RXRA: variants seen among roughly 807,000 people sequenced by gnomAD.
RXRA encodes retinoid X receptor alpha.
RXRA carries 5 observed loss-of-function variants against 44.5 expected under a neutral mutation model. The ratio of observed to expected loss-of-function variants is 0.11; its 90% CI spans 0.06 to 0.24. The LOEUF (loss-of-function observed/expected upper bound fraction) is 0.24, where lower values mean the gene tolerates loss of function less well. Ranked by LOEUF, RXRA falls within the 10% of genes least tolerant of loss-of-function variation. RXRA has a pLI of 1.00. For synonymous variants in RXRA, 291 were observed against 271.4 expected (o/e 1.07, Z -0.71); for missense variants, 412 against 646.5 (o/e 0.64, Z 3.93).
intron 1 of RXRA, among the ~76,000 whole-genome samples, chr9:134,391,190 T>A (rs1474188107): frequency 2.0e-5 from 3 of 152,044 alleles, no homozygotes; most frequent in African/African-American, 7.2e-5. Context: ...TCTGCCCTGA[T>A]CATTTCAGAG....
At position 134,342,574 on chromosome 9, in the gene RXRA, C is replaced by T. The variant is rs1469529888; in HGVS notation, c.28+15915C>T. Among the ~76,000 whole-genome samples, 2 of 152,178 alleles carry T rather than the reference C, an allele frequency of 1.3e-5. No homozygotes were observed. The highest frequency in any genetic ancestry group is 4.1e-4 in the South Asian group (2 of 4,832). Reference sequence around the variant, plus strand: ...TGGGTTGGTGCAGGCAGAGTGGTAACAGCAAGCTGTGGGCAAGGGACTGCT... The same window carrying T: ...TGGGTTGGTGCAGGCAGAGTGGTAATAGCAAGCTGTGGGCAAGGGACTGCT... On this transcript the variant is annotated intron_variant, in intron 1 of 9. Coordinates refer to ENST00000481739, the MANE Select transcript of RXRA (RefSeq NM_002957.6). The surrounding 1 kb of genome is among the most constrained non-coding windows in gnomAD (Gnocchi z 4.4).
intron 1 of RXRA, among the ~76,000 whole-genome samples, chr9:134,386,130 C>T (rs926866278): frequency 6.6e-6 from 1 of 152,248 alleles, no homozygotes; most frequent in Non-Finnish European, 1.5e-5. Flanking sequence ...GCATGAGCAC[C>T]ACTTGCTTGC....
rs959894253 is a variant in RXRA, at chr9:134,342,540, G to A, written c.28+15881G>A. Among the ~76,000 whole-genome samples the A allele has an allele frequency of 1.3e-5, 2 of 152,180 alleles. No homozygotes were observed. The highest frequency in any genetic ancestry group is 1.3e-4 in the Admixed American group (2 of 15,288). On this transcript the variant is annotated intron_variant, in intron 1 of 9. Transcript: ENST00000481739. The surrounding 1 kb of genome is among the most constrained non-coding windows in gnomAD (Gnocchi z 4.4). Reference sequence around the variant, plus strand: ...TGTGCGCCCTCTTCCTGCCATCAGCGGGGGGCAGTGGGTTGGTGCAGGCAG... The same window carrying A: ...TGTGCGCCCTCTTCCTGCCATCAGCAGGGGGCAGTGGGTTGGTGCAGGCAG...
chr9:134,403,590 A>G (rs1362509079), intron 2 of RXRA: 1 of 152,424 alleles, frequency 6.6e-6, no homozygotes, highest in South Asian at 2.1e-4. Flanking sequence ...TCTAGTGCAC[A>G]GTAGGTTACC....
chr9:134,362,278 C>G (rs1040272712), intron 1 of RXRA, among the ~76,000 whole-genome samples: 1 of 152,156 alleles, frequency 6.6e-6, no homozygotes, highest in Non-Finnish European at 1.5e-5. Flanking sequence ...AAGCCTTGAC[C>G]CTGAACCCCC....
chr9:134,395,820 TG>T (rs1463868812), intron 1 of RXRA, among the ~76,000 whole-genome samples: 1 of 152,218 alleles, frequency 6.6e-6, no homozygotes, highest in Non-Finnish European at 1.5e-5. Flanking sequence ...TGTCCTCAGA[TG>T]GGGCTGAGAT....
Position 134,349,277 on chromosome 9 carries a change from C to T in RXRA, c.28+22618C>T, listed in dbSNP as rs981057477. Among the ~76,000 whole-genome samples the T allele has an allele frequency of 6.6e-6, 1 of 152,208 alleles. No individual in the cohort carries two copies. Among genetic ancestry groups the T allele is most frequent in the East Asian group, 1.9e-4 (1 of 5,174 alleles). On this transcript the variant is annotated intron_variant, in intron 1 of 9. Transcript: ENST00000481739. The surrounding 1 kb of genome is among the most constrained non-coding windows in gnomAD (Gnocchi z 4.3). The stretch of plus-strand genomic sequence containing the variant: ...CATGCTGGGCACATGGGGAGCCCTG[C>T]TGACCCCTGTTCTGCACCTGGACAG...
In RXRA at chr9:134,423,482, T is replaced by C. The variant is rs1348181178; in HGVS notation, c.910+1677T>C. ...AAGCAGGGAATGTTCTGGAAGTTGC[T>C]TGGGTCAGGGCTGTGACCACACAGG... On this transcript the variant is annotated intron_variant, in intron 6 of 9. Coordinates refer to ENST00000481739, the MANE Select transcript of RXRA (RefSeq NM_002957.6). 5.1e-6 allele frequency: 5 copies of C among 985,334 alleles called. No homozygotes were observed. The African/African-American group carries it at 7.0e-5, about 14-fold the overall frequency. 61.0% of individuals were successfully genotyped at this position (985,334 alleles called of 1,614,324 possible).
Position 134,326,488 on chromosome 9 carries a change from C to G in RXRA, c.-144C>G, listed in dbSNP as rs1447759953. 7.0e-6 allele frequency: 1 copy of G among 142,298 alleles called. No individual in the cohort carries two copies. Among genetic ancestry groups the G allele is most frequent in the African/African-American group, 2.5e-5 (1 of 39,652 alleles). The allele number at this position is 142,298 out of a possible 1,614,324, so 8.8% of individuals were successfully genotyped here. A position where few individuals can be genotyped will look rare whatever the true frequency, so the allele number is the denominator to read the frequency against. On this transcript the variant is annotated 5_prime_UTR_variant, in exon 1 of 10. Coordinates refer to ENST00000481739, the MANE Select transcript of RXRA (RefSeq NM_002957.6). ...TTGTTGGGCGACTTTTGCAACAACT[C>G]GCCGCGCCGCGGCCTCCGCGCGCCG...
intron 1 of RXRA, among the ~76,000 whole-genome samples, chr9:134,400,931 G>A (rs1274440552): frequency 6.6e-5 from 10 of 152,148 alleles, no homozygotes; most frequent in African/African-American, 2.4e-4. Flanking sequence ...CTGAGCGTCC[G>A]GTGCCCGGGC....
intron 1 of RXRA, among the ~76,000 whole-genome samples, chr9:134,350,375 A>T (rs1271952820): frequency 6.6e-6 from 1 of 152,142 alleles, no homozygotes; most frequent in Non-Finnish European, 1.5e-5. Context: ...CTTTTCTGTA[A>T]GGGGCATGGC....
At chr9:134,408,010 GGGGGCACGGCCCTCTCTAGCCTCGGTGT>G in intron 2 of RXRA, 111 bp from the exon 3 acceptor site, 1 of 607,476 alleles carries the variant, frequency 1.6e-6, no homozygotes, top group Non-Finnish European at 2.8e-6. Context: ...GTGGCGGGTG[GGGGGCACGGCCCTCTCTAGCCTCGGTGT>G]CTGTGTGTGA....
intron 1 of RXRA, among the ~76,000 whole-genome samples, chr9:134,340,534 T>C (rs1195937695): frequency 6.6e-6 from 1 of 152,150 alleles, no homozygotes; most frequent in Non-Finnish European, 1.5e-5. Flanking sequence ...ACCGGCTCAC[T>C]GCCTGCCCTC....
intron 1 of RXRA, among the ~76,000 whole-genome samples, chr9:134,383,412 T>G (rs941586217): frequency 2.6e-5 from 4 of 152,140 alleles, no homozygotes; most frequent in African/African-American, 9.7e-5. Context: ...TGAGGGGCCC[T>G]GCAGTCTTGG....
chr9:134,396,747 T>G lies in RXRA; in HGVS notation c.29-4885T>G, dbSNP rs771388071. 2.0e-5 allele frequency among the ~76,000 whole-genome samples: 3 copies of G among 152,178 alleles called. No homozygotes were observed. The East Asian group carries it at 5.8e-4, about 29-fold the overall frequency. ...AGCTCCCCCATTTAGAACGCCGTCCTTCCCTCCGCTGGGCTTCCTGGGGCG... is the reference window on the plus strand; with the variant it reads ...AGCTCCCCCATTTAGAACGCCGTCCGTCCCTCCGCTGGGCTTCCTGGGGCG... On this transcript the variant is annotated intron_variant, in intron 1 of 9. Coordinates refer to ENST00000481739, the MANE Select transcript of RXRA (RefSeq NM_002957.6).
intron 6 of RXRA, chr9:134,423,690 G>T: frequency 6.1e-6 from 6 of 985,472 alleles, no homozygotes; most frequent in Non-Finnish European, 7.2e-6. Flanking sequence ...CTGCCGTTGC[G>T]GGCTCAGACT....
intron 1 of RXRA, among the ~76,000 whole-genome samples, chr9:134,348,146 G>T (rs1039064403): frequency 2.6e-5 from 4 of 152,188 alleles, no homozygotes; most frequent in African/African-American, 9.7e-5. Flanking sequence ...ACCAAGGGGA[G>T]TCGAGGGTGC....
chr9:134,431,847 G>A (rs1588310152), intron 7 of RXRA, 58 bp from the exon 8 acceptor site: 1 of 1,353,704 alleles, frequency 7.4e-7, no homozygotes, highest in Non-Finnish European at 1.1e-6. Context: ...TCTGGGGTGT[G>A]GCCCTGGTGA....
intron 7 of RXRA, among the ~76,000 whole-genome samples, chr9:134,430,633 C>G (rs1001081748): frequency 3.3e-5 from 3 of 91,942 alleles, no homozygotes; most frequent in Non-Finnish European, 2.9e-5. Context: ...AGTTAGTGTA[C>G]AGGAGGGTCC....
Sources: allele counts gnomAD v4.1 joint callset (sites outside exome capture counted in the v4.1 genomes callset), GRCh38; gene constraint gnomAD v4.1.1; non-coding constraint Gnocchi (gnomAD v3.1); transcripts MANE v1.5; gene names NCBI Gene and HGNC (gene_info 2026-07-23, HGNC 2026-07-21).